Variants in ZNF609 observed in about 807,000 individuals in gnomAD.
The protein encoded by ZNF609 is zinc finger protein 609.
ZNF609 carries 11 observed loss-of-function variants against 109.5 expected under a neutral mutation model. That is an observed-to-expected ratio of 0.10 (90% confidence interval 0.06 to 0.17). The LOEUF (loss-of-function observed/expected upper bound fraction) is 0.17. Ranked by LOEUF, ZNF609 falls within the 10% of genes least tolerant of loss-of-function variation. ZNF609 has a pLI of 1.00. For missense variants in ZNF609, 1,559 were observed against 1,772.4 expected (o/e 0.88, Z 2.16); for synonymous variants, 646 against 662.0 (o/e 0.98, Z 0.37).
chr15:64,549,329 T>C (rs761456788), intron 2 of ZNF609, among the ~76,000 whole-genome samples: 1 of 152,162 alleles, frequency 6.6e-6, no homozygotes, highest in Non-Finnish European at 1.5e-5. Context: ...TAGCTGGGAT[T>C]ACAGGTGCAC....
At chr15:64,610,741 A>T (rs534742934) in intron 2 of ZNF609, among the ~76,000 whole-genome samples, 1 of 152,276 alleles carries the variant, frequency 6.6e-6, no homozygotes, top group South Asian at 2.1e-4. Flanking sequence ...CCTCCTTCCT[A>T]AGCCACAGCA....
intron 2 of ZNF609, among the ~76,000 whole-genome samples, chr15:64,546,929 C>T (rs1197055526): frequency 6.6e-6 from 1 of 151,478 alleles, no homozygotes; most frequent in Non-Finnish European, 1.5e-5. Context: ...TAGCTGGGAC[C>T]ACAGGCGCAC....
chr15:64,680,561 T>TCG, intron 7 of ZNF609, 85 bp from the exon 8 acceptor site: 1 of 1,132,826 alleles, frequency 8.8e-7, no homozygotes, highest in Non-Finnish European at 1.2e-6. Context: ...GGCATCTCAC[T>TCG]TGTGTGTGTG....
chr15:64,548,325 A>G (rs1196070837), intron 2 of ZNF609, among the ~76,000 whole-genome samples: 1 of 152,218 alleles, frequency 6.6e-6, no homozygotes, highest in East Asian at 1.9e-4. Context: ...AAAAGGTGCC[A>G]CTTTTGAATA....
At chr15:64,611,435 C>T (rs2140960939) in intron 2 of ZNF609, among the ~76,000 whole-genome samples, 1 of 152,286 alleles carries the variant, frequency 6.6e-6, no homozygotes, top group Non-Finnish European at 1.5e-5. Context: ...ATTTGTGTTG[C>T]ACACTGATTT....
At chr15:64,465,338 C>T (rs1012043377) in intron 1 of ZNF609, among the ~76,000 whole-genome samples, 2 of 151,934 alleles carry the variant, frequency 1.3e-5, no homozygotes, top group African/African-American at 4.8e-5. Context: ...AATATATTTC[C>T]CCACATGAAG....
intron 2 of ZNF609, among the ~76,000 whole-genome samples, chr15:64,548,779 G>A (rs1388901814): frequency 6.6e-6 from 1 of 151,910 alleles, no homozygotes; most frequent in African/African-American, 2.4e-5. Flanking sequence ...AAGAAAGAAA[G>A]AATAATAAAC....
intron 2 of ZNF609, among the ~76,000 whole-genome samples, chr15:64,582,749 CTTTTTTTTTT>C (rs34273764): frequency 0.018 from 1,012 of 55,874 alleles, 8 homozygotes; most frequent in Middle Eastern, 0.11. Flanking sequence ...GAGACAGAGT[CTTTTTTTTTT>C]TTTTTTTTTT....
rs2141016216 is a variant in ZNF609 at position 64,675,611 on chromosome 15, G to A, written c.2757G>A (p.Val919=). ...GALNPSSQAG[V]ESQALKTKRD... ...TGAACCCCAGCAGCCAGGCAGGAGTGGAGAGCCAGGCCCTGAAGACAAAAA... is the reference window on the plus strand; with the variant it reads ...TGAACCCCAGCAGCCAGGCAGGAGTAGAGAGCCAGGCCCTGAAGACAAAAA... Residue 919 remains valine (V), a synonymous_variant, in exon 5 of 10, where the codon GTG becomes GTA. Coordinates refer to ENST00000326648, the MANE Select transcript of ZNF609 (RefSeq NM_015042.2). 2 of 1,614,100 alleles carry A rather than the reference G, an allele frequency of 1.2e-6. No homozygotes were observed. The highest frequency in any genetic ancestry group is 8.5e-7 in the Non-Finnish European group (1 of 1,180,040).
At chr15:64,595,427 C>A (rs1305379934) in intron 2 of ZNF609, among the ~76,000 whole-genome samples, 1 of 151,086 alleles carries the variant, frequency 6.6e-6, no homozygotes, top group Non-Finnish European at 1.5e-5. Flanking sequence ...TCCTGGCTGA[C>A]AATGCAGCTG....
chr15:64,669,240 G>A (rs1400097933), intron 3 of ZNF609, among the ~76,000 whole-genome samples: 2 of 152,152 alleles, frequency 1.3e-5, no homozygotes, highest in African/African-American at 4.8e-5. Flanking sequence ...ACATATTTGT[G>A]TAGGTAAAAT....
At chr15:64,654,796 A>C (rs921955927) in intron 3 of ZNF609, among the ~76,000 whole-genome samples, 25 of 152,298 alleles carry the variant, frequency 1.6e-4, no homozygotes, top group African/African-American at 5.8e-4. Flanking sequence ...GAAGATTCTT[A>C]AAAGCATAGC....
At chr15:64,491,690 T>TA (rs1248942045) in intron 1 of ZNF609, among the ~76,000 whole-genome samples, 1 of 151,412 alleles carries the variant, frequency 6.6e-6, no homozygotes, top group Non-Finnish European at 1.5e-5. Flanking sequence ...CTCTCAAAAA[T>TA]AAAAAAATTA....
At chr15:64,501,852 A>C (rs1352884010) in intron 2 of ZNF609, 1 of 152,198 alleles carries the variant, frequency 6.6e-6, no homozygotes, top group Non-Finnish European at 1.5e-5. Flanking sequence ...TTTATGTTGG[A>C]TTTAAGTGTA....
rs772561926 is a variant in ZNF609 at position 64,500,082 on chromosome 15, A to G, written c.663A>G (p.Ala221=). Reference sequence around the variant, plus strand: ...GGAGTATAGCTATTGAGCCTGGGGCAGCGCTCAATCCTTTGGGAACTAAAC... The same window carrying G: ...GGAGTATAGCTATTGAGCCTGGGGCGGCGCTCAATCCTTTGGGAACTAAAC... ...PLGSIAIEPG[A]ALNPLGTKPE... Residue 221 remains alanine (A), a synonymous_variant, in exon 2 of 10, where the codon GCA becomes GCG. Coordinates refer to ENST00000326648, the MANE Select transcript of ZNF609 (RefSeq NM_015042.2). 1 of 1,614,188 alleles carries G rather than the reference A, an allele frequency of 6.2e-7. No homozygotes were observed.
chr15:64,644,568 C>T (rs1175479883), intron 3 of ZNF609, among the ~76,000 whole-genome samples: 5 of 152,136 alleles, frequency 3.3e-5, no homozygotes, highest in African/African-American at 1.2e-4. Flanking sequence ...GTGTTACATA[C>T]CTAAGTATAC....
intron 3 of ZNF609, among the ~76,000 whole-genome samples, chr15:64,625,759 G>C (rs755252972): frequency 3.7e-4 from 55 of 147,640 alleles, no homozygotes; most frequent in Non-Finnish European, 6.3e-4. Flanking sequence ...TGTAGTGGTG[G>C]GCGCCTGTAG....
intron 2 of ZNF609, among the ~76,000 whole-genome samples, chr15:64,510,195 A>ATT (rs143141691): frequency 7.7e-6 from 1 of 129,036 alleles, no homozygotes; most frequent in Non-Finnish European, 1.6e-5. Context: ...CATTGTTATA[A>ATT]TTTTTTTTTC....
chr15:64,622,666 G>A (rs565774405), intron 2 of ZNF609, among the ~76,000 whole-genome samples, 161 bp from the exon 3 acceptor site: 1 of 152,308 alleles, frequency 6.6e-6, no homozygotes, highest in South Asian at 2.1e-4. Flanking sequence ...TAGATTTGTA[G>A]TGGTATCATA....
Sources: gnomAD v4.1 joint callset for allele counts (sites outside exome capture counted in the v4.1 genomes callset) on GRCh38, gnomAD v4.1.1 for gene constraint, MANE v1.5 for transcripts, NCBI Gene and HGNC (gene_info 2026-07-23, HGNC 2026-07-21) for gene names.